The following CPED1 variants were observed in gnomAD, a reference collection of about 807,000 sequenced individuals.
The protein encoded by CPED1 is cadherin-like and PC-esterase domain-containing protein 1.
A neutral mutation model predicts 128.2 loss-of-function variants in CPED1; 114 were observed. The observed-to-expected ratio is 0.89, with a 90% confidence interval of 0.76 to 1.04. The LOEUF (loss-of-function observed/expected upper bound fraction) is 1.04. CPED1 is among the 50% of genes least tolerant of loss of function. CPED1 has a pLI of 0.00. For synonymous variants in CPED1, 462 were observed against 426.7 expected (o/e 1.08, Z -1.02); for missense variants, 1,211 against 1,207.1 (o/e 1.00, Z -0.05).
intron 5 of CPED1, among the ~76,000 whole-genome samples, chr7:121,071,149 T>TGAA (rs1378511013): frequency 6.6e-6 from 1 of 152,120 alleles, no homozygotes; most frequent in East Asian, 1.9e-4. Flanking sequence ...AGAGAAGAGT[T>TGAA]GAAGATACAG....
intron 6 of CPED1, among the ~76,000 whole-genome samples, chr7:121,098,508 G>T (rs1169363039): frequency 1.3e-5 from 2 of 151,590 alleles, no homozygotes; most frequent in African/African-American, 4.8e-5. Context: ...AAGGCAGGAG[G>T]ATTATTTAAG....
At chr7:121,120,658 A>G (rs1054706119) in intron 7 of CPED1, among the ~76,000 whole-genome samples, 3 of 151,980 alleles carry the variant, frequency 2.0e-5, no homozygotes, top group Non-Finnish European at 4.4e-5. Flanking sequence ...CTCCATTCTA[A>G]CTCATAGATT....
In CPED1 at chr7:121,267,346, T is replaced by C. The variant is rs73438268; in HGVS notation, c.2721+44T>C. 2,225 of 1,151,204 alleles carry C rather than the reference T, an allele frequency of 1.9e-3. 22 individuals are homozygous for C. The African/African-American group carries it at 0.027, about 14-fold the overall frequency. 71.3% of individuals were successfully genotyped at this position (1,151,204 alleles called of 1,614,324 possible). ...GGCTAGGTGAATTTCATGATTCCTA[T>C]AAGGATCCCTGCTGGAAAAAGACCC... On this transcript the variant is annotated intron_variant, in intron 21 of 22. Coordinates refer to ENST00000310396, the MANE Select transcript of CPED1 (RefSeq NM_024913.5).
At position 121,102,691 on chromosome 7, in the gene CPED1, A is replaced by T. The variant is rs143935862; in HGVS notation, c.918+2597A>T. 3.9e-3 allele frequency among the ~76,000 whole-genome samples: 597 copies of T among 152,208 alleles called. 2 individuals carry two copies. The highest frequency in any genetic ancestry group is 8.7e-3 in the East Asian group (45 of 5,180). ...TCCTGGGCCTGGGCTTAGCATCCTT[A>T]ACAAGGAAGGAACAACCAATAATTG... On this transcript the variant is annotated intron_variant, in intron 7 of 22. Coordinates refer to ENST00000310396, the MANE Select transcript of CPED1 (RefSeq NM_024913.5).
chr7:121,149,230 C>T (rs1410120955), intron 16 of CPED1, among the ~76,000 whole-genome samples: 1 of 152,118 alleles, frequency 6.6e-6, no homozygotes, highest in Admixed American at 6.6e-5. Context: ...AGCAGGTGCA[C>T]GGAGACATTT....
chr7:121,048,517 CG>C (rs1470819884), intron 4 of CPED1, among the ~76,000 whole-genome samples: 1 of 151,624 alleles, frequency 6.6e-6, no homozygotes, highest in Non-Finnish European at 1.5e-5. Context: ...AACCTCTTAA[CG>C]TTTTTTTTTC....
intron 5 of CPED1, among the ~76,000 whole-genome samples, chr7:121,085,687 C>T (rs967318694): frequency 1.3e-5 from 2 of 152,202 alleles, no homozygotes; most frequent in Non-Finnish European, 2.9e-5. Flanking sequence ...AGGCCAGACA[C>T]AGTGGACTCC....
At chr7:121,221,843 A>G (rs1288155459) in intron 16 of CPED1, among the ~76,000 whole-genome samples, 2 of 152,108 alleles carry the variant, frequency 1.3e-5, no homozygotes, top group Non-Finnish European at 2.9e-5. Flanking sequence ...ATCTTTGTAG[A>G]TTCTGGATAT....
chr7:121,173,078 G>A (rs1472002906), intron 16 of CPED1, among the ~76,000 whole-genome samples: 1 of 152,074 alleles, frequency 6.6e-6, no homozygotes, highest in Non-Finnish European at 1.5e-5. Context: ...CAGGGGGTTG[G>A]TATCTTATCA....
chr7:120,997,580 G>A (rs962802543), intron 2 of CPED1, among the ~76,000 whole-genome samples: 1 of 152,154 alleles, frequency 6.6e-6, no homozygotes, highest in Admixed American at 6.5e-5. Context: ...TTAGGATGAG[G>A]TCACACTGGA....
At chr7:121,121,522 G>A (rs1195940704) in intron 7 of CPED1, among the ~76,000 whole-genome samples, 2 of 152,128 alleles carry the variant, frequency 1.3e-5, no homozygotes, top group Non-Finnish European at 2.9e-5. Context: ...TTCATGTCAT[G>A]TTAAAAGTTA....
At chr7:121,000,958 G>A (rs1434375081) in intron 2 of CPED1, among the ~76,000 whole-genome samples, 1 of 152,130 alleles carries the variant, frequency 6.6e-6, no homozygotes, top group Non-Finnish European at 1.5e-5. Flanking sequence ...TTGTTGGCCA[G>A]AGTCAATGTT....
At chr7:121,153,971 C>G (rs1297570724) in intron 16 of CPED1, among the ~76,000 whole-genome samples, 5 of 152,100 alleles carry the variant, frequency 3.3e-5, no homozygotes, top group Admixed American at 3.3e-4. Flanking sequence ...ATATACAAAT[C>G]TGTTATAGAA....
At chr7:121,271,888 C>T (rs1013598852) in intron 22 of CPED1, among the ~76,000 whole-genome samples, 1 of 152,020 alleles carries the variant, frequency 6.6e-6, no homozygotes, top group African/African-American at 2.4e-5. Context: ...GGTTAGGGTC[C>T]CCCCACCCAG....
At position 121,139,156 on chromosome 7, in the gene CPED1, A is replaced by G. The variant is rs534492974; in HGVS notation, c.1700-1671A>G. 2.0e-5 allele frequency among the ~76,000 whole-genome samples: 3 copies of G among 152,118 alleles called. No individual in the cohort carries two copies. In the East Asian group the frequency reaches 5.8e-4, roughly 30 times the overall value. ...CAGTCCACCTACATCTATCAGCCAG[A>G]TACTATCTTTCATTGACCATTAGGT... On this transcript the variant is annotated intron_variant, in intron 14 of 22. Transcript: ENST00000310396.
At chr7:121,218,874 A>T (rs1415177406) in intron 16 of CPED1, among the ~76,000 whole-genome samples, 1 of 152,056 alleles carries the variant, frequency 6.6e-6, no homozygotes, top group Non-Finnish European at 1.5e-5. Context: ...TGACAAAAAA[A>T]GTTGTCCTTT....
chr7:121,115,484 G>T (rs948475365), intron 7 of CPED1, among the ~76,000 whole-genome samples: 2 of 152,016 alleles, frequency 1.3e-5, no homozygotes, highest in Non-Finnish European at 2.9e-5. Context: ...TTTCTTTTGT[G>T]ATTGACCAGG....
intron 21 of CPED1, 83 bp from the exon 22 acceptor site, chr7:121,271,201 T>A (rs888178128): frequency 1.8e-6 from 2 of 1,119,444 alleles, no homozygotes; most frequent in African/African-American, 1.6e-5. Flanking sequence ...AAAAAAGACA[T>A]TTACATAATT....
intron 8 of CPED1, among the ~76,000 whole-genome samples, chr7:121,124,822 T>C (rs1176393057): frequency 1.3e-5 from 2 of 152,224 alleles, no homozygotes; most frequent in African/African-American, 4.8e-5. Flanking sequence ...ATAAATTTCA[T>C]TCTCAAATAT....
Sources: gnomAD v4.1 joint callset for allele counts (sites outside exome capture counted in the v4.1 genomes callset) on GRCh38, gnomAD v4.1.1 for gene constraint, MANE v1.5 for transcripts, NCBI Gene and HGNC (gene_info 2026-07-23, HGNC 2026-07-21) for gene names.